The following EPHA4 variants were observed in gnomAD, a reference collection of about 807,000 sequenced individuals.
The protein encoded by EPHA4 is ephrin type-A receptor 4.
Under a neutral mutation model 108.3 loss-of-function variants are expected in EPHA4, and 19 were observed. That is an observed-to-expected ratio of 0.18 (90% CI 0.12 to 0.26). The LOEUF is 0.26. EPHA4 is among the 10% of genes least tolerant of loss of function. EPHA4 has a pLI of 1.00. For missense variants in EPHA4, 917 were observed against 1,254.0 expected, an observed-to-expected ratio of 0.73 and a Z score of 4.06; for synonymous variants, 449 against 455.5, an observed-to-expected ratio of 0.99 and a Z score of 0.18.
At chr2:221,462,274 T>C (rs1691170081) in intron 5 of EPHA4, among the ~76,000 whole-genome samples, 1 of 152,078 alleles carries the variant, frequency 6.6e-6, no homozygotes, top group Admixed American at 6.6e-5. Flanking sequence ...GATGTGTGAT[T>C]TAATTCAATG....
intron 3 of EPHA4, among the ~76,000 whole-genome samples, chr2:221,515,283 C>CG (rs1217463982): frequency 1.3e-5 from 2 of 152,000 alleles, no homozygotes; most frequent in Non-Finnish European, 2.9e-5. Context: ...TTAGTAGAGA[C>CG]GGGGTTTCTC....
At chr2:221,516,706 T>C (rs1225869455) in intron 3 of EPHA4, among the ~76,000 whole-genome samples, 1 of 152,168 alleles carries the variant, frequency 6.6e-6, no homozygotes, top group Admixed American at 6.5e-5. Flanking sequence ...CCAAAGTCAC[T>C]TACAATTCAG....
At chr2:221,486,024 T>G (rs1389967954) in intron 4 of EPHA4, among the ~76,000 whole-genome samples, 1 of 152,232 alleles carries the variant, frequency 6.6e-6, no homozygotes, top group Non-Finnish European at 1.5e-5. Context: ...GTAAGTATTG[T>G]GTCTGGCTAT....
At chr2:221,460,004 C>A (rs916221433) in intron 5 of EPHA4, among the ~76,000 whole-genome samples, 8 of 152,122 alleles carry the variant, frequency 5.3e-5, no homozygotes, top group Non-Finnish European at 8.8e-5. Flanking sequence ...CATTAAACTG[C>A]TGCATATGGG....
Position 221,556,452 on chromosome 2 carries a change from A to G in EPHA4, c.823+7279T>C, listed in dbSNP as rs1035379752. Among the ~76,000 whole-genome samples, 5 of 148,732 alleles carry G rather than the reference A, an allele frequency of 3.4e-5. No individual in the cohort carries two copies. In the South Asian group the frequency reaches 1.1e-3, roughly 31 times the overall value. ...GCTGGGACTACAGGCTCACACCACC[A>G]TGCCCAGCTAATTTTTGTATTTTTT... On this transcript the variant is annotated intron_variant, in intron 3 of 17. Transcript: ENST00000281821.
intron 3 of EPHA4, among the ~76,000 whole-genome samples, chr2:221,542,836 T>TA (rs1355917772): frequency 6.6e-6 from 1 of 152,222 alleles, no homozygotes; most frequent in Non-Finnish European, 1.5e-5. Flanking sequence ...AAACAAGTGT[T>TA]AAAATTAATT....
rs563140439 is a variant in EPHA4, at chr2:221,497,610, C to T, written c.979+3407G>A. On this transcript the variant is annotated intron_variant, in intron 4 of 17. Coordinates refer to ENST00000281821, the MANE Select transcript of EPHA4 (RefSeq NM_004438.5). ...AAACAAAAACAGGTGTGGTGGTGGG[C>T]GCCTGTAGTCCCAGCTACTCGGGAG... 9.9e-5 allele frequency among the ~76,000 whole-genome samples: 15 copies of T among 151,834 alleles called. No homozygotes were observed. The South Asian group carries it at 1.3e-3, about 13-fold the overall frequency.
At position 221,571,977 on chromosome 2, in the gene EPHA4, T is replaced by A. The variant is rs553579633; in HGVS notation, c.91+181A>T. Among the ~76,000 whole-genome samples, 88 of 152,284 alleles carry A rather than the reference T, an allele frequency of 5.8e-4. No individual in the cohort carries two copies. Among genetic ancestry groups the A allele is most frequent in the African/African-American group, 2.1e-3 (86 of 41,576 alleles). On this transcript the variant is annotated intron_variant, in intron 1 of 17. Coordinates refer to ENST00000281821, the MANE Select transcript of EPHA4 (RefSeq NM_004438.5). The surrounding 1 kb of genome is among the most constrained non-coding windows in gnomAD (Gnocchi z 6.3). Reference sequence around the variant, plus strand: ...CACGGGTCACCGCCTCGGGGCAGGCTGTCCGGCGGTTCCCCGCTGCCCCTT... The same window carrying A: ...CACGGGTCACCGCCTCGGGGCAGGCAGTCCGGCGGTTCCCCGCTGCCCCTT...
chr2:221,561,024 C>T (rs984872401), intron 3 of EPHA4, among the ~76,000 whole-genome samples: 2 of 152,276 alleles, frequency 1.3e-5, no homozygotes, highest in South Asian at 2.1e-4. Context: ...GGGTGGATCA[C>T]GAGGTCAGGA....
At chr2:221,497,211 A>C (rs1692324379) in intron 4 of EPHA4, among the ~76,000 whole-genome samples, 1 of 152,274 alleles carries the variant, frequency 6.6e-6, no homozygotes, top group South Asian at 2.1e-4. Flanking sequence ...GAACTTTGCA[A>C]ATTTTTTTTA....
At chr2:221,456,160 C>T (rs1690946610) in intron 7 of EPHA4, among the ~76,000 whole-genome samples, 1 of 148,748 alleles carries the variant, frequency 6.7e-6, no homozygotes, top group Non-Finnish European at 1.5e-5. Flanking sequence ...ATATGTTTGT[C>T]CAAAGGGTCT....
chr2:221,456,057 A>T (rs1690942415), intron 7 of EPHA4, among the ~76,000 whole-genome samples: 1 of 152,146 alleles, frequency 6.6e-6, no homozygotes, highest in Non-Finnish European at 1.5e-5. Flanking sequence ...GGATGGAGGT[A>T]TCTGACACTA....
rs375924623 is a variant in EPHA4 at position 221,501,064 on chromosome 2, C to A, written c.932G>T (p.Arg311Leu). The A allele has an allele frequency of 6.2e-7, 1 of 1,613,026 alleles. No individual in the cohort carries two copies. The highest frequency in any genetic ancestry group is 2.2e-5 in the East Asian group (1 of 44,794). Residue 311 changes from arginine to leucine, a missense_variant, in exon 4 of 18, where the codon CGA becomes CTA. By Grantham distance (102) the Arg-to-Leu change is moderately radical (BLOSUM62 -2). This residue lies in a region of EPHA4 where 758 missense variants were observed against 1,076.7 expected (regional missense o/e 0.70). Coordinates refer to ENST00000281821, the MANE Select transcript of EPHA4 (RefSeq NM_004438.5). ...WEGATSCTCD[R>L]GFFRADNDAA... The stretch of plus-strand genomic sequence containing the variant: ...ATCGTTGTCAGCTCTGAAAAAGCCT[C>A]GGTCACAGGTGCACGAGGTGGCTCC...
intron 2 of EPHA4, among the ~76,000 whole-genome samples, chr2:221,568,405 A>G (rs539045466): frequency 6.6e-6 from 1 of 152,292 alleles, no homozygotes; most frequent in Admixed American, 6.5e-5. Context: ...AGTAATAGGC[A>G]TAAATTCTAA....
chr2:221,495,871 T>A (rs902130099), intron 4 of EPHA4, among the ~76,000 whole-genome samples: 5 of 152,214 alleles, frequency 3.3e-5, no homozygotes, highest in African/African-American at 1.2e-4. Context: ...GTGTGTTTTA[T>A]TTCTTCATTA....
intron 3 of EPHA4, among the ~76,000 whole-genome samples, chr2:221,531,798 T>C (rs1693527046): frequency 6.6e-6 from 1 of 152,228 alleles, no homozygotes; most frequent in South Asian, 2.1e-4. Flanking sequence ...ATTGTTTACA[T>C]TAGTTATTCA....
At chr2:221,510,599 A>G (rs1156924106) in intron 3 of EPHA4, among the ~76,000 whole-genome samples, 1 of 152,240 alleles carries the variant, frequency 6.6e-6, no homozygotes, top group African/African-American at 2.4e-5. Flanking sequence ...TAAATAGGTG[A>G]GTAATTCTAA....
chr2:221,537,810 G>T (rs1031088899), intron 3 of EPHA4, among the ~76,000 whole-genome samples: 9 of 152,200 alleles, frequency 5.9e-5, no homozygotes, highest in African/African-American at 1.9e-4. Context: ...AAGAAAGAAG[G>T]AAGAAGAAAG....
intron 3 of EPHA4, among the ~76,000 whole-genome samples, chr2:221,507,160 T>C (rs1008340986): frequency 3.9e-5 from 6 of 152,192 alleles, no homozygotes; most frequent in African/African-American, 1.4e-4. Context: ...ACGGGTCCTT[T>C]CTGGAGCATA....
Sources: gnomAD v4.1 joint callset for allele counts (sites outside exome capture counted in the v4.1 genomes callset) on GRCh38, gnomAD v4.1.1 for gene constraint, gnomAD v4.1.1 regional missense constraint, Gnocchi (gnomAD v3.1) non-coding constraint, MANE v1.5 for transcripts, NCBI Gene and HGNC (gene_info 2026-07-23, HGNC 2026-07-21) for gene names.